GABRB1: variants seen among roughly 807,000 people sequenced by gnomAD.
The protein encoded by GABRB1 is gamma-aminobutyric acid receptor subunit beta-1.
Under a neutral mutation model 51.6 loss-of-function variants are expected in GABRB1, and 17 were observed. That is an observed-to-expected ratio of 0.33 (90% CI 0.23 to 0.49). GABRB1 has a LOEUF of 0.49. GABRB1 is among the 20% of genes least tolerant of loss of function. The probability of loss-of-function intolerance (pLI) is 0.99; values close to 1 mark genes in which losing one functional copy is unlikely to be tolerated. For synonymous variants in GABRB1, 247 were observed against 218.9 expected, an observed-to-expected ratio of 1.13 and a Z score of -1.14; for missense variants, 410 against 600.6, an observed-to-expected ratio of 0.68 and a Z score of 3.32.
At chr4:47,061,694 A>G (rs1726850489) in intron 3 of GABRB1, among the ~76,000 whole-genome samples, 1 of 152,216 alleles carries the variant, frequency 6.6e-6, no homozygotes, top group African/African-American at 2.4e-5. Flanking sequence ...CATCTAAGAC[A>G]GTGCAAGCAA....
intron 3 of GABRB1, among the ~76,000 whole-genome samples, chr4:47,033,414 G>C (rs1359162604): frequency 6.6e-6 from 1 of 152,082 alleles, no homozygotes; most frequent in East Asian, 1.9e-4. Flanking sequence ...GTTGCTTCTC[G>C]TAAGACGGAA....
intron 4 of GABRB1, among the ~76,000 whole-genome samples, chr4:47,314,767 T>C (rs909422810): frequency 3.3e-5 from 5 of 152,014 alleles, no homozygotes; most frequent in African/African-American, 1.2e-4. Flanking sequence ...ATTACACTCC[T>C]TTCTTACACC....
chr4:47,120,320 T>C (rs762342361), intron 3 of GABRB1, among the ~76,000 whole-genome samples: 4 of 152,146 alleles, frequency 2.6e-5, no homozygotes, highest in African/African-American at 7.2e-5. Flanking sequence ...CTTTCAGCGT[T>C]TGATAGATTT....
intron 3 of GABRB1, among the ~76,000 whole-genome samples, chr4:47,128,984 A>C (rs1716288546): frequency 6.6e-6 from 1 of 152,114 alleles, no homozygotes; most frequent in South Asian, 2.1e-4. Context: ...GGAAATAAAA[A>C]TAGCTAAGGA....
chr4:47,161,540 C>A, intron 4 of GABRB1, 71 bp downstream of exon 4: 1 of 1,242,414 alleles, frequency 8.0e-7, no homozygotes, highest in Non-Finnish European at 1.2e-6. Flanking sequence ...TGGAAGTGGG[C>A]AAAGGGGAGA....
At chr4:47,313,257 C>G (rs933959398) in intron 4 of GABRB1, among the ~76,000 whole-genome samples, 1 of 152,116 alleles carries the variant, frequency 6.6e-6, no homozygotes, top group Admixed American at 6.6e-5. Flanking sequence ...AATGCTTTTG[C>G]CTTTAGCTGG....
intron 3 of GABRB1, among the ~76,000 whole-genome samples, chr4:47,087,882 G>T (rs1160617795): frequency 6.6e-6 from 1 of 152,162 alleles, no homozygotes; most frequent in Non-Finnish European, 1.5e-5. Context: ...ACATTAGATA[G>T]GAAGTAACAG....
At chr4:47,275,774 C>G (rs111596120) in intron 4 of GABRB1, among the ~76,000 whole-genome samples, 5 of 152,174 alleles carry the variant, frequency 3.3e-5, no homozygotes, top group African/African-American at 1.2e-4. Flanking sequence ...TAGAATGAAG[C>G]GCATAAAAGA....
chr4:47,317,845 G>GAT (rs1294144054), intron 4 of GABRB1, among the ~76,000 whole-genome samples: 37 of 150,512 alleles, frequency 2.5e-4, no homozygotes, highest in East Asian at 5.8e-4. Context: ...AAAATACTCT[G>GAT]ATATATATAT....
At chr4:47,416,359 A>G (rs1728916159) in intron 8 of GABRB1, among the ~76,000 whole-genome samples, 2 of 152,202 alleles carry the variant, frequency 1.3e-5, no homozygotes, top group Admixed American at 1.3e-4. Context: ...TTTGGACTAG[A>G]ATAAGAAATT....
At chr4:47,126,386 C>A (rs1411494143) in intron 3 of GABRB1, among the ~76,000 whole-genome samples, 1 of 152,028 alleles carries the variant, frequency 6.6e-6, no homozygotes, top group African/African-American at 2.4e-5. Context: ...TGTTTAATTG[C>A]AATTTGATAA....
At chr4:47,402,248 T>C (rs1207491976) in intron 5 of GABRB1, among the ~76,000 whole-genome samples, 4 of 152,210 alleles carry the variant, frequency 2.6e-5, no homozygotes, top group Admixed American at 6.5e-5. Context: ...TTTTATCTCT[T>C]GAAAAGGTAT....
At chr4:47,223,778 A>G (rs1239435713) in intron 4 of GABRB1, among the ~76,000 whole-genome samples, 1 of 152,096 alleles carries the variant, frequency 6.6e-6, no homozygotes, top group Non-Finnish European at 1.5e-5. Flanking sequence ...CTATGACATT[A>G]GAAAATAAGT....
chr4:47,037,755 TA>T (rs1319655104), intron 3 of GABRB1, among the ~76,000 whole-genome samples: 5 of 152,200 alleles, frequency 3.3e-5, no homozygotes, highest in Non-Finnish European at 7.3e-5. Flanking sequence ...TTTACATTAA[TA>T]GCGATTTAAT....
chr4:47,211,441 T>G (rs1720353514), intron 4 of GABRB1, among the ~76,000 whole-genome samples: 1 of 152,118 alleles, frequency 6.6e-6, no homozygotes, highest in African/African-American at 2.4e-5. Flanking sequence ...AAACAGAAAC[T>G]CATAGATGTT....
At chr4:47,373,657 G>T (rs1054251715) in intron 5 of GABRB1, among the ~76,000 whole-genome samples, 1 of 152,122 alleles carries the variant, frequency 6.6e-6, no homozygotes, top group Non-Finnish European at 1.5e-5. Context: ...GTGGAGTCTT[G>T]AGCTGTGATT....
At chr4:46,996,017 T>C (rs1723983743) in intron 1 of GABRB1, among the ~76,000 whole-genome samples, 1 of 151,880 alleles carries the variant, frequency 6.6e-6, no homozygotes, top group Admixed American at 6.5e-5. Flanking sequence ...AGAAGATATA[T>C]GTTGAATTTC....
chr4:47,397,654 C>T (rs1362026632), intron 5 of GABRB1, among the ~76,000 whole-genome samples: 1 of 152,060 alleles, frequency 6.6e-6, no homozygotes, highest in African/African-American at 2.4e-5. Flanking sequence ...GCAACCTCCA[C>T]CTCCCAGGTT....
chr4:47,209,778 G>T (rs1720281333), intron 4 of GABRB1, among the ~76,000 whole-genome samples: 1 of 150,550 alleles, frequency 6.6e-6, no homozygotes, highest in African/African-American at 2.5e-5. Flanking sequence ...ATTATTTACT[G>T]ATTATAACAG....
Sources: gnomAD v4.1 joint callset for allele counts (sites outside exome capture counted in the v4.1 genomes callset) on GRCh38, gnomAD v4.1.1 for gene constraint, MANE v1.5 for transcripts, NCBI Gene and HGNC (gene_info 2026-07-23, HGNC 2026-07-21) for gene names.